The following LAMB4 variants were observed in gnomAD, a reference collection of about 807,000 sequenced individuals.
LAMB4 encodes laminin subunit beta 4.
LAMB4 carries 196 observed loss-of-function variants against 199.2 expected under a neutral mutation model. The ratio of observed to expected loss-of-function variants is 0.98; its 90% confidence interval spans 0.88 to 1.11. The LOEUF is 1.11. LAMB4 is among the 50% of genes least tolerant of loss of function. The pLI, the probability that LAMB4 is intolerant of heterozygous loss-of-function variation, is 0.00. For missense variants in LAMB4, 2,080 were observed against 2,171.2 expected (o/e 0.96, Z 0.83); for synonymous variants, 744 against 770.6 (o/e 0.97, Z 0.57).
chr7:108,059,317 T>C lies in LAMB4; in HGVS notation c.3283-1389A>G, dbSNP rs188287951. Among the ~76,000 whole-genome samples the C allele has an allele frequency of 1.1e-4, 16 of 151,974 alleles. No individual in the cohort carries two copies. The East Asian group carries it at 1.9e-3, about 18-fold the overall frequency. On this transcript the variant is annotated intron_variant, in intron 23 of 33. Coordinates refer to ENST00000388781, the MANE Select transcript of LAMB4 (RefSeq NM_007356.3). ...GAGACGGGGTTGAATCTGCCACCTTTTAACTTGTTCCCATTGTTATGTGTC... is the reference window on the plus strand; with the variant it reads ...GAGACGGGGTTGAATCTGCCACCTTCTAACTTGTTCCCATTGTTATGTGTC...
chr7:108,100,610 A>G (rs371024), intron 10 of LAMB4, among the ~76,000 whole-genome samples: 52,284 of 152,072 alleles, frequency 0.34, 9,481 homozygotes, highest in Non-Finnish European at 0.4. Flanking sequence ...GTTAATACTC[A>G]GTGGTTCTTA....
At chr7:108,051,269 G>T (rs2035818493) in intron 26 of LAMB4, among the ~76,000 whole-genome samples, 1 of 152,120 alleles carries the variant, frequency 6.6e-6, no homozygotes. Flanking sequence ...TCCCTTTAGG[G>T]AAATTAGGTA....
Position 108,123,129 on chromosome 7 carries a change from A to G in LAMB4, c.34+2T>C, listed in dbSNP as rs747947763. The G allele has an allele frequency of 6.2e-7, 1 of 1,609,942 alleles. No individual in the cohort carries two copies. The highest frequency in any genetic ancestry group is 1.1e-5 in the South Asian group (1 of 90,206). ...AAATAGATTTTGACAACAAATACTC[A>G]CCAAGGTGCAAAAAAAGGGTCAGTT... On this transcript the variant is annotated splice_donor_variant, in intron 2 of 33. Transcript: ENST00000388781. LOFTEE classifies it high-confidence loss of function.
chr7:108,034,769 C>T (rs1026257834), intron 30 of LAMB4, among the ~76,000 whole-genome samples: 4 of 152,104 alleles, frequency 2.6e-5, no homozygotes, highest in Admixed American at 2.0e-4. Flanking sequence ...ACTACAGGCC[C>T]TGCATTTTTA....
chr7:108,103,319 G>T, intron 9 of LAMB4, 87 bp from the exon 10 acceptor site: 1 of 1,003,778 alleles, frequency 1.0e-6, no homozygotes, highest in Non-Finnish European at 1.4e-6. Context: ...GCACCCGCTA[G>T]TCCTCCTTGT....
At chr7:108,084,246 C>G (rs941131502) in intron 14 of LAMB4, among the ~76,000 whole-genome samples, 4 of 152,176 alleles carry the variant, frequency 2.6e-5, no homozygotes, top group African/African-American at 9.6e-5. Context: ...GTTTGTCTCA[C>G]TAGTGTCATT....
chr7:108,051,342 A>G (rs1254964969), intron 26 of LAMB4, among the ~76,000 whole-genome samples: 1 of 152,130 alleles, frequency 6.6e-6, no homozygotes, highest in African/African-American at 2.4e-5. Flanking sequence ...ACACAGGAGT[A>G]TATACATAGG....
chr7:108,043,353 C>A (rs113410778), intron 29 of LAMB4, among the ~76,000 whole-genome samples: 1,764 of 152,016 alleles, frequency 0.012, 33 homozygotes, highest in African/African-American at 0.04. Context: ...ACACAAAGTT[C>A]ATGTGTTTGG....
At position 108,055,811 on chromosome 7, in the gene LAMB4, C is replaced by T. The variant is rs752672107; in HGVS notation, c.3576G>A (p.Ala1192=). The change falls in exon 25 of 34, where the codon GCG becomes GCA. Residue 1192 remains alanine, a synonymous_variant. Coordinates refer to ENST00000388781, the MANE Select transcript of LAMB4 (RefSeq NM_007356.3). ...CAGCCAGTCTCATTAACCCTTGCAC[C>T]GCTTTGGAGAGGGAAGAAATGGTGT... ...WDHTISSLSK[A]VQGLMRLAAN... The T allele has an allele frequency of 1.6e-5, 26 of 1,614,046 alleles. 1 individual carries two copies. Among genetic ancestry groups the T allele is most frequent in the Middle Eastern group, 1.6e-4 (1 of 6,084 alleles).
Position 108,063,774 on chromosome 7 carries a change from A to T in LAMB4, c.3048T>A (p.Asn1016Lys). ...TTGCAGACTTACTTCTGCAGGTCTG[A>T]TTGAGGGCTGATCCATAGTGACCTG... ...CKPGHYGSALNQTCRRCSCHA... is the reference protein window; with the variant it reads ...CKPGHYGSALKQTCRRCSCHA... Residue 1016 changes from asparagine (N) to lysine (K), a missense_variant, in exon 22 of 34, where the codon AAT becomes AAA. By Grantham distance (94) the Asn-to-Lys change is moderately conservative. Coordinates refer to ENST00000388781, the MANE Select transcript of LAMB4 (RefSeq NM_007356.3). The T allele has an allele frequency of 6.2e-7, 1 of 1,613,994 alleles. No individual in the cohort carries two copies.
chr7:108,046,480 T>C (rs1180332639), intron 28 of LAMB4, among the ~76,000 whole-genome samples: 1 of 152,016 alleles, frequency 6.6e-6, no homozygotes. Flanking sequence ...TTTAAAAGCT[T>C]TTTCTTCTTT....
At chr7:108,018,064 G>C in the LAMB4 span, among the ~76,000 whole-genome samples, 8 of 152,220 alleles carry the variant, frequency 5.3e-5, 1 homozygote, top group Admixed American at 5.2e-4. Flanking sequence ...GTTTGGCAAG[G>C]AGTTGGGGTA....
At chr7:108,031,438 G>C (rs2035036914) in intron 31 of LAMB4, among the ~76,000 whole-genome samples, 1 of 149,092 alleles carries the variant, frequency 6.7e-6, no homozygotes, top group Non-Finnish European at 1.5e-5. Context: ...CCACCAGCCA[G>C]TTTAAGAATA....
In LAMB4 at chr7:108,105,954, G is replaced by A; in HGVS notation, c.733C>T (p.Gln245Ter). 2 of 1,614,166 alleles carry A rather than the reference G, an allele frequency of 1.2e-6. No homozygotes were observed. Among genetic ancestry groups the A allele is most frequent in the Non-Finnish European group, 1.7e-6 (2 of 1,180,008 alleles). Reference sequence around the variant, plus strand: ...TAGTATTTATCAAGGGAATCATTTTGCCTCCTTCCAAGCAAAGCATCCCCA... The same window carrying A: ...TAGTATTTATCAAGGGAATCATTTTACCTCCTTCCAAGCAAAGCATCCCCA... The part of the protein sequence containing the change: ...TLGDALLGRR[Q>*]NDSLDKYYYA... The change falls in exon 8 of 34, where the codon CAA becomes TAA. Residue 245 changes from glutamine to a stop codon, truncating the protein, a stop_gained. Transcript: ENST00000388781. LOFTEE classifies it high-confidence loss of function.
intron 12 of LAMB4, among the ~76,000 whole-genome samples, chr7:108,094,716 T>C (rs991792741): frequency 1.3e-5 from 2 of 152,172 alleles, no homozygotes; most frequent in African/African-American, 4.8e-5. Context: ...TTTTAGATGA[T>C]ACATCTAAAA....
At chr7:108,062,664 A>G (rs1199049320) in intron 23 of LAMB4, 110 bp downstream of exon 23, 6 of 575,316 alleles carry the variant, frequency 1.0e-5, no homozygotes, top group Non-Finnish European at 1.3e-5. Flanking sequence ...TCCTGTTTCA[A>G]TGCACTAATT....
At chr7:108,055,548 A>G in intron 25 of LAMB4, 84 bp downstream of exon 25, 1 of 1,381,858 alleles carries the variant, frequency 7.2e-7, no homozygotes, top group African/African-American at 1.4e-5. Context: ...ACATTTCTAA[A>G]TTGAAGGCTG....
intron 32 of LAMB4, among the ~76,000 whole-genome samples, 181 bp downstream of exon 32, chr7:108,030,625 C>T (rs914825433): frequency 1.2e-4 from 18 of 152,198 alleles, no homozygotes; most frequent in African/African-American, 4.3e-4. Flanking sequence ...TGGCCAGGGA[C>T]TTCTGCCTTC....
intron 2 of LAMB4, among the ~76,000 whole-genome samples, chr7:108,121,247 A>G (rs1266091024): frequency 6.6e-6 from 1 of 152,242 alleles, no homozygotes; most frequent in African/African-American, 2.4e-5. Flanking sequence ...AGATCTGGTC[A>G]TTTAAGGAAA....
Sources: gnomAD v4.1 joint callset for allele counts (sites outside exome capture counted in the v4.1 genomes callset) on GRCh38, gnomAD v4.1.1 for gene constraint, MANE v1.5 for transcripts, NCBI Gene and HGNC (gene_info 2026-07-23, HGNC 2026-07-21) for gene names.